Variants in CDH11 observed in about 807,000 individuals in gnomAD.
CDH11 encodes the protein cadherin-11.
CDH11 carries 11 observed loss-of-function variants against 67.8 expected under a neutral mutation model. That is an observed-to-expected ratio of 0.16 (90% CI 0.10 to 0.27). CDH11 has a LOEUF of 0.27. CDH11 is among the 10% of genes least tolerant of loss of function. The pLI is 1.00. For synonymous variants in CDH11, 419 were observed against 400.0 expected (o/e 1.05, Z -0.57); for missense variants, 847 against 1,031.2 (o/e 0.82, Z 2.45).
intron 2 of CDH11, among the ~76,000 whole-genome samples, chr16:65,018,156 C>T (rs964015780): frequency 6.6e-6 from 1 of 152,130 alleles, no homozygotes. Flanking sequence ...TTGGTGACTC[C>T]TTCTCCACTC....
chr16:65,110,077 C>T (rs914915035), intron 1 of CDH11, among the ~76,000 whole-genome samples: 7 of 151,992 alleles, frequency 4.6e-5, no homozygotes, highest in African/African-American at 1.7e-4. Flanking sequence ...CATCGTATTG[C>T]CCAAGCTGGT....
At chr16:65,113,314 A>G (rs2075192088) in intron 1 of CDH11, among the ~76,000 whole-genome samples, 1 of 151,448 alleles carries the variant, frequency 6.6e-6, no homozygotes, top group Non-Finnish European at 1.5e-5. Context: ...ACTTTTGTTT[A>G]TAGATAGTGA....
rs1015421761 is a variant in CDH11, at chr16:64,943,829, G to A, written c.*3774C>T. Reference sequence around the variant, plus strand: ...TGTGTAAAGAACTGAGTATACAATGGTAAACAAGAAAGCAAGATTCCCTGC... The same window carrying A: ...TGTGTAAAGAACTGAGTATACAATGATAAACAAGAAAGCAAGATTCCCTGC... On this transcript the variant is annotated 3_prime_UTR_variant, in exon 13 of 13. Coordinates refer to ENST00000268603, the MANE Select transcript of CDH11 (RefSeq NM_001797.4). 2 of 222,200 alleles carry A rather than the reference G, an allele frequency of 9.0e-6. No homozygotes were observed. Among genetic ancestry groups the A allele is most frequent in the Non-Finnish European group, 1.8e-5 (2 of 111,076 alleles). 13.8% of individuals were successfully genotyped at this position (222,200 alleles called of 1,614,324 possible).
At chr16:65,061,103 T>C (rs930659673) in intron 1 of CDH11, among the ~76,000 whole-genome samples, 1 of 152,224 alleles carries the variant, frequency 6.6e-6, no homozygotes, top group African/African-American at 2.4e-5. Context: ...TGTAACATAG[T>C]GCTTTTTTAT....
At chr16:65,056,619 G>A (rs1420921034) in intron 1 of CDH11, among the ~76,000 whole-genome samples, 8 of 152,078 alleles carry the variant, frequency 5.3e-5, no homozygotes, top group South Asian at 2.1e-4. Context: ...TATTATGAAC[G>A]CCATCTCACC....
intron 12 of CDH11, 65 bp downstream of exon 12, chr16:64,950,702 T>C (rs1314791603): frequency 1.0e-5 from 15 of 1,500,524 alleles, no homozygotes; most frequent in African/African-American, 1.4e-5. Context: ...TTGAGAAGCA[T>C]GTGTTTCAAG....
chr16:65,120,116 G>T (rs1334654785), intron 1 of CDH11, among the ~76,000 whole-genome samples: 1 of 152,150 alleles, frequency 6.6e-6, no homozygotes, highest in African/African-American at 2.4e-5. Context: ...TGCAGCTAGG[G>T]TTGGGCAGTT....
intron 1 of CDH11, among the ~76,000 whole-genome samples, chr16:65,116,505 G>A (rs2075247842): frequency 6.6e-6 from 1 of 152,174 alleles, no homozygotes; most frequent in Non-Finnish European, 1.5e-5. Context: ...CCAGTGCAGA[G>A]GACCATGTCA....
chr16:64,965,013 G>A (rs1228421344), intron 11 of CDH11, among the ~76,000 whole-genome samples: 4 of 151,772 alleles, frequency 2.6e-5, no homozygotes, highest in Non-Finnish European at 4.4e-5. Flanking sequence ...CATCATTTAC[G>A]TTAGGCATAA....
In CDH11 at chr16:65,067,799, G is replaced by A. The variant is rs189719631; in HGVS notation, c.-297-13871C>T. On this transcript the variant is annotated intron_variant, in intron 1 of 12. Coordinates refer to ENST00000268603, the MANE Select transcript of CDH11 (RefSeq NM_001797.4). Reference sequence around the variant, plus strand: ...GGGAAGGGAGGGAGAGAGAGAGGAAGGAAAGAAGGAAGGATGAAGGGAGAG... The same window carrying A: ...GGGAAGGGAGGGAGAGAGAGAGGAAAGAAAGAAGGAAGGATGAAGGGAGAG... 1.0e-3 allele frequency among the ~76,000 whole-genome samples: 143 copies of A among 141,670 alleles called. 2 individuals carry two copies. Among genetic ancestry groups the A allele is most frequent in the Non-Finnish European group, 1.8e-3 (118 of 65,086 alleles). 92.9% of individuals were successfully genotyped at this position (141,670 alleles called of 152,430 possible).
intron 1 of CDH11, among the ~76,000 whole-genome samples, chr16:65,065,473 G>A (rs1426871667): frequency 2.0e-5 from 3 of 152,204 alleles, no homozygotes; most frequent in African/African-American, 7.2e-5. Flanking sequence ...TCACGAAAGG[G>A]ACGGGGACAC....
intron 2 of CDH11, among the ~76,000 whole-genome samples, chr16:65,020,105 G>T: frequency 6.6e-6 from 1 of 152,280 alleles, no homozygotes; most frequent in Middle Eastern, 3.4e-3. Flanking sequence ...ACATCAGATA[G>T]AAGTACAAAT....
intron 1 of CDH11, among the ~76,000 whole-genome samples, chr16:65,119,923 C>G (rs1490322495): frequency 3.3e-5 from 5 of 152,142 alleles, no homozygotes; most frequent in African/African-American, 1.2e-4. Context: ...GGCTGGATTT[C>G]AGTTTTTCAC....
intron 1 of CDH11, among the ~76,000 whole-genome samples, chr16:65,103,069 T>C (rs1483716945): frequency 6.6e-6 from 1 of 152,186 alleles, no homozygotes; most frequent in Non-Finnish European, 1.5e-5. Flanking sequence ...TGCAGGTGCC[T>C]ACCACATGGC....
intron 4 of CDH11, among the ~76,000 whole-genome samples, chr16:64,997,312 T>C (rs2072797150): frequency 8.1e-6 from 1 of 123,956 alleles, no homozygotes; most frequent in African/African-American, 3.1e-5. Context: ...AATAAATAAA[T>C]AAATAAATAA....
intron 1 of CDH11, among the ~76,000 whole-genome samples, chr16:65,115,088 C>T (rs1369110165): frequency 2.6e-5 from 4 of 152,130 alleles, no homozygotes; most frequent in African/African-American, 4.8e-5. Context: ...GAAAGCAAAC[C>T]TGTGATGAAT....
At chr16:65,010,438 A>G (rs1362365121) in intron 2 of CDH11, among the ~76,000 whole-genome samples, 1 of 152,174 alleles carries the variant, frequency 6.6e-6, no homozygotes, top group Non-Finnish European at 1.5e-5. Flanking sequence ...ATAGGGGAGA[A>G]GAAGTATTAC....
intron 1 of CDH11, among the ~76,000 whole-genome samples, chr16:65,108,696 C>T (rs376123807): frequency 6.8e-6 from 1 of 146,038 alleles, no homozygotes; most frequent in African/African-American, 2.6e-5. Flanking sequence ...AAAAAAAAAA[C>T]TTTTAAACAT....
rs2074784219 is a variant in CDH11, at chr16:65,091,041, G to A, written c.-298+30839C>T. On this transcript the variant is annotated intron_variant, in intron 1 of 12. Transcript: ENST00000268603. ...AATTTCTCTACATGCTCTGATATAC[G>A]CATAAGTGCGTAAGTATGAGTGTAG... 2.0e-5 allele frequency among the ~76,000 whole-genome samples: 3 copies of A among 152,180 alleles called. No individual in the cohort carries two copies. The South Asian group carries it at 6.2e-4, about 32-fold the overall frequency.
Sources: gnomAD v4.1 joint callset for allele counts (sites outside exome capture counted in the v4.1 genomes callset) on GRCh38, gnomAD v4.1.1 for gene constraint, MANE v1.5 for transcripts, NCBI Gene and HGNC (gene_info 2026-07-23, HGNC 2026-07-21) for gene names.